Variants in HS3ST5 observed in about 807,000 individuals in gnomAD.
HS3ST5 encodes the protein heparan sulfate glucosamine 3-O-sulfotransferase 5.
Under a neutral mutation model 25.4 loss-of-function variants are expected in HS3ST5, and 10 were observed. The observed-to-expected ratio is 0.39, with a 90% CI of 0.24 to 0.67. HS3ST5 has a LOEUF of 0.67. Ranked by LOEUF, HS3ST5 falls within the 30% of genes least tolerant of loss-of-function variation. HS3ST5 has a pLI of 0.44. For synonymous variants in HS3ST5, 170 were observed against 162.4 expected (o/e 1.05, Z -0.36); for missense variants, 324 against 420.7 (o/e 0.77, Z 2.01).
chr6:114,312,248 T>C (rs1227619614), intron 1 of HS3ST5, among the ~76,000 whole-genome samples: 2 of 152,228 alleles, frequency 1.3e-5, no homozygotes, highest in Non-Finnish European at 2.9e-5. Context: ...TAGTGTAAAT[T>C]ATTTTAGAAA....
intron 2 of HS3ST5, among the ~76,000 whole-genome samples, chr6:114,197,108 T>G (rs570057071): frequency 6.7e-6 from 1 of 148,940 alleles, no homozygotes; most frequent in East Asian, 1.9e-4. Context: ...CATGGAACAG[T>G]GTTTTTTCTT....
At chr6:114,184,968 A>G (rs539247147) in intron 2 of HS3ST5, among the ~76,000 whole-genome samples, 13 of 152,264 alleles carry the variant, frequency 8.5e-5, no homozygotes, top group African/African-American at 2.9e-4. Flanking sequence ...AGCACATAAC[A>G]TATTTGGTTT....
At chr6:114,245,312 A>G (rs1008594028) in intron 1 of HS3ST5, among the ~76,000 whole-genome samples, 2 of 152,198 alleles carry the variant, frequency 1.3e-5, no homozygotes, top group African/African-American at 4.8e-5. Flanking sequence ...ATGAAGGTTT[A>G]GAGAGATAGG....
intron 3 of HS3ST5, chr6:114,116,274 T>C (rs944718169): frequency 2.6e-5 from 4 of 152,084 alleles, no homozygotes; most frequent in Non-Finnish European, 4.4e-5. Flanking sequence ...CATCTCAGCA[T>C]ATATTCCAAA....
At chr6:114,278,504 C>T (rs1393563487) in intron 1 of HS3ST5, among the ~76,000 whole-genome samples, 5 of 151,892 alleles carry the variant, frequency 3.3e-5, no homozygotes, top group African/African-American at 1.2e-4. Context: ...AATGTGAGGT[C>T]TTTTCATATT....
At chr6:114,155,007 G>A (rs1032281775) in intron 3 of HS3ST5, among the ~76,000 whole-genome samples, 4 of 152,098 alleles carry the variant, frequency 2.6e-5, no homozygotes, top group South Asian at 2.1e-4. Context: ...TGGAATGTCC[G>A]CTCTGGGAGG....
chr6:114,146,477 G>T (rs1047772921), intron 3 of HS3ST5, among the ~76,000 whole-genome samples: 2 of 152,210 alleles, frequency 1.3e-5, no homozygotes, highest in African/African-American at 4.8e-5. Flanking sequence ...GAGAATATGG[G>T]CAAGGAAGAA....
At chr6:114,138,843 G>C (rs937641671) in intron 3 of HS3ST5, among the ~76,000 whole-genome samples, 2 of 152,148 alleles carry the variant, frequency 1.3e-5, no homozygotes, top group East Asian at 3.9e-4. Context: ...AGTTTTGGAG[G>C]CTTGGTAGAT....
In HS3ST5 at chr6:114,167,157, G is replaced by A. The variant is rs1779256779; in HGVS notation, c.-33+1194C>T. Among the ~76,000 whole-genome samples the A allele has an allele frequency of 2.6e-5, 4 of 152,228 alleles. No homozygotes were observed. The South Asian group carries it at 8.3e-4, about 32-fold the overall frequency. On this transcript the variant is annotated intron_variant, in intron 3 of 4. Coordinates refer to ENST00000312719, the MANE Select transcript of HS3ST5 (RefSeq NM_153612.4). ...CATGCCACTGTGTGTGGCTGGAGAG[G>A]AATAAATGTTATTGTTATCAATAGC...
chr6:114,333,464 A>G (rs1244736088), intron 1 of HS3ST5, among the ~76,000 whole-genome samples: 2 of 152,164 alleles, frequency 1.3e-5, no homozygotes, highest in Non-Finnish European at 2.9e-5. Flanking sequence ...GCCCTTATTT[A>G]AAGAATGCTA....
At chr6:114,216,417 T>C (rs779332583) in intron 2 of HS3ST5, among the ~76,000 whole-genome samples, 1 of 152,180 alleles carries the variant, frequency 6.6e-6, no homozygotes, top group Non-Finnish European at 1.5e-5. Flanking sequence ...GGTCCCAAAA[T>C]AGTAAACAAA....
At chr6:114,129,121 G>C (rs1205317923) in intron 3 of HS3ST5, among the ~76,000 whole-genome samples, 1 of 152,074 alleles carries the variant, frequency 6.6e-6, no homozygotes, top group Non-Finnish European at 1.5e-5. Context: ...CACAATGCTT[G>C]GTACATAATG....
At chr6:114,207,960 C>G (rs550082912) in intron 2 of HS3ST5, among the ~76,000 whole-genome samples, 1 of 152,104 alleles carries the variant, frequency 6.6e-6, no homozygotes, top group East Asian at 1.9e-4. Context: ...CCTCTTTGAA[C>G]CACAATACAT....
chr6:114,271,766 T>A (rs1407077469), intron 1 of HS3ST5, among the ~76,000 whole-genome samples: 1 of 152,100 alleles, frequency 6.6e-6, no homozygotes. Context: ...TGTATTAAGA[T>A]AAATATTTTC....
chr6:114,080,016 A>G (rs1448790591), intron 3 of HS3ST5, among the ~76,000 whole-genome samples: 1 of 152,104 alleles, frequency 6.6e-6, no homozygotes, highest in Non-Finnish European at 1.5e-5. Context: ...ACCTTAGGTG[A>G]TCCGCCCGCC....
At chr6:114,301,795 C>CCAGGACCAT (rs1454302017) in intron 1 of HS3ST5, among the ~76,000 whole-genome samples, 1 of 152,044 alleles carries the variant, frequency 6.6e-6, no homozygotes, top group Non-Finnish European at 1.5e-5. Flanking sequence ...GACAGGTCTC[C>CCAGGACCAT]CAGGACCATG....
chr6:114,068,178 T>C (rs964465713), intron 3 of HS3ST5, among the ~76,000 whole-genome samples: 3 of 152,130 alleles, frequency 2.0e-5, no homozygotes, highest in Non-Finnish European at 4.4e-5. Flanking sequence ...AGAATTAGAA[T>C]GCTAATGCTA....
chr6:114,173,811 A>T (rs951427135), intron 2 of HS3ST5, among the ~76,000 whole-genome samples: 6 of 152,212 alleles, frequency 3.9e-5, no homozygotes, highest in Non-Finnish European at 7.4e-5. Context: ...GTGAGCCAAG[A>T]TCACACCACT....
chr6:114,277,444 C>A (rs962515551), intron 1 of HS3ST5, among the ~76,000 whole-genome samples: 1 of 144,516 alleles, frequency 6.9e-6, no homozygotes, highest in African/African-American at 2.5e-5. Context: ...TGGCAAAAAC[C>A]GCAATTACTT....
Sources: allele counts gnomAD v4.1 joint callset (sites outside exome capture counted in the v4.1 genomes callset), GRCh38; gene constraint gnomAD v4.1.1; transcripts MANE v1.5; gene names NCBI Gene and HGNC (gene_info 2026-07-23, HGNC 2026-07-21).